The following CLSTN2 variants were observed in gnomAD, a reference collection of about 807,000 sequenced individuals.
CLSTN2 encodes calsyntenin-2.
A neutral mutation model predicts 101.2 loss-of-function variants in CLSTN2; 48 were observed. The ratio of observed to expected loss-of-function variants is 0.47; its 90% CI spans 0.38 to 0.60. The LOEUF (loss-of-function observed/expected upper bound fraction) is 0.60. Among genes scored for constraint, CLSTN2 ranks in the 20% least tolerant of loss-of-function variants. CLSTN2 has a pLI of 0.00. For missense variants in CLSTN2, 1,160 were observed against 1,238.2 expected, an observed-to-expected ratio of 0.94 and a Z score of 0.95; for synonymous variants, 481 against 463.6, an observed-to-expected ratio of 1.04 and a Z score of -0.48.
intron 1 of CLSTN2, among the ~76,000 whole-genome samples, chr3:140,098,069 A>G (rs2008901933): frequency 6.6e-6 from 1 of 152,174 alleles, no homozygotes; most frequent in Non-Finnish European, 1.5e-5. Context: ...TCAGCATAAC[A>G]GCCAAAAATG....
At chr3:140,424,037 G>T (rs929797677) in intron 5 of CLSTN2, among the ~76,000 whole-genome samples, 1 of 152,208 alleles carries the variant, frequency 6.6e-6, no homozygotes, top group Non-Finnish European at 1.5e-5. Context: ...CTTTGCTGAG[G>T]ATCCTTTGTT....
chr3:140,405,925 C>G (rs2088297800), intron 4 of CLSTN2, among the ~76,000 whole-genome samples: 1 of 152,156 alleles, frequency 6.6e-6, no homozygotes. Context: ...TCCATTCACT[C>G]TGTAATTATT....
chr3:140,194,233 T>C (rs571750471), intron 2 of CLSTN2, among the ~76,000 whole-genome samples: 1 of 152,240 alleles, frequency 6.6e-6, no homozygotes, highest in South Asian at 2.1e-4. Context: ...TGTCAGTGCC[T>C]GGTGAGGGCT....
At chr3:140,501,972 T>C (rs1233601921) in intron 8 of CLSTN2, among the ~76,000 whole-genome samples, 1 of 152,192 alleles carries the variant, frequency 6.6e-6, no homozygotes, top group African/African-American at 2.4e-5. Flanking sequence ...TGTGTGACCT[T>C]GGACATGTTA....
intron 1 of CLSTN2, among the ~76,000 whole-genome samples, chr3:139,989,926 T>C (rs1280976542): frequency 6.6e-6 from 1 of 152,236 alleles, no homozygotes; most frequent in East Asian, 1.9e-4. Flanking sequence ...ATGCACAAAT[T>C]TGGAAACAAT....
intron 2 of CLSTN2, among the ~76,000 whole-genome samples, chr3:140,346,403 T>C (rs1161422445): frequency 6.6e-6 from 1 of 152,210 alleles, no homozygotes; most frequent in African/African-American, 2.4e-5. Flanking sequence ...ATCTTGTTTC[T>C]GGTGACCCAT....
intron 2 of CLSTN2, among the ~76,000 whole-genome samples, chr3:140,334,063 G>T (rs991693907): frequency 2.6e-5 from 4 of 152,132 alleles, no homozygotes; most frequent in African/African-American, 9.7e-5. Context: ...CTTTATCTTA[G>T]CCTTCCATGC....
chr3:140,310,145 C>T (rs558044999), intron 2 of CLSTN2, among the ~76,000 whole-genome samples: 6 of 152,298 alleles, frequency 3.9e-5, no homozygotes, highest in South Asian at 4.1e-4. Flanking sequence ...ACACATCCCC[C>T]GGGTTACTAC....
chr3:140,533,729 A>AAAAG (rs1339659627), intron 9 of CLSTN2, among the ~76,000 whole-genome samples: 2 of 149,414 alleles, frequency 1.3e-5, no homozygotes, highest in Non-Finnish European at 3.0e-5. Context: ...AAAAAAAAAA[A>AAAAG]AAAGAATATG....
chr3:140,491,318 C>T (rs866727044), intron 8 of CLSTN2, among the ~76,000 whole-genome samples: 11 of 152,264 alleles, frequency 7.2e-5, no homozygotes, highest in African/African-American at 2.4e-4. Context: ...CTAATCATAG[C>T]TAACATGTAA....
intron 1 of CLSTN2, among the ~76,000 whole-genome samples, chr3:140,057,350 A>G (rs2008116310): frequency 6.6e-6 from 1 of 152,222 alleles, no homozygotes; most frequent in South Asian, 2.1e-4. Context: ...CCTTTGCAAT[A>G]GCAGATGTTT....
intron 1 of CLSTN2, among the ~76,000 whole-genome samples, chr3:140,156,053 T>A (rs1040279002): frequency 3.3e-5 from 5 of 152,234 alleles, no homozygotes; most frequent in African/African-American, 1.2e-4. Flanking sequence ...TTGTTACTTA[T>A]TTTTGGTGTA....
intron 1 of CLSTN2, among the ~76,000 whole-genome samples, chr3:139,982,711 A>C (rs1305779217): frequency 6.6e-6 from 1 of 152,164 alleles, no homozygotes; most frequent in Non-Finnish European, 1.5e-5. Flanking sequence ...GTCTCAAATC[A>C]GCCCTTGTTG....
At chr3:140,249,867 T>C (rs1462014379) in intron 2 of CLSTN2, among the ~76,000 whole-genome samples, 1 of 152,138 alleles carries the variant, frequency 6.6e-6, no homozygotes, top group South Asian at 2.1e-4. Flanking sequence ...GAGTTTAGAA[T>C]GCTCACCAAA....
intron 2 of CLSTN2, among the ~76,000 whole-genome samples, chr3:140,373,178 A>C (rs1030029221): frequency 3.3e-5 from 5 of 152,268 alleles, no homozygotes; most frequent in Admixed American, 3.3e-4. Context: ...AGCTATGAAA[A>C]GAACTGTGAC....
chr3:140,107,230 A>G (rs1306097602), intron 1 of CLSTN2, among the ~76,000 whole-genome samples: 1 of 152,142 alleles, frequency 6.6e-6, no homozygotes, highest in Non-Finnish European at 1.5e-5. Context: ...CTCCCCTGCC[A>G]TCTTTCCCTA....
At chr3:140,373,500 T>C (rs970979706) in intron 2 of CLSTN2, among the ~76,000 whole-genome samples, 11 of 152,228 alleles carry the variant, frequency 7.2e-5, no homozygotes, top group Admixed American at 4.6e-4. Flanking sequence ...CTGTCTATTA[T>C]ATTGAGCAGG....
chr3:140,048,395 C>T (rs2107767082), intron 1 of CLSTN2, among the ~76,000 whole-genome samples: 1 of 152,312 alleles, frequency 6.6e-6, no homozygotes. Flanking sequence ...TACTGAGATT[C>T]AGATTTCCTT....
chr3:140,312,659 G>C (rs1313327029), intron 2 of CLSTN2, among the ~76,000 whole-genome samples: 1 of 152,208 alleles, frequency 6.6e-6, no homozygotes, highest in Non-Finnish European at 1.5e-5. Flanking sequence ...TCAGGAGCCA[G>C]GATAAGCCAG....
Sources: gnomAD v4.1 joint callset for allele counts (sites outside exome capture counted in the v4.1 genomes callset) on GRCh38, gnomAD v4.1.1 for gene constraint, MANE v1.5 for transcripts, NCBI Gene and HGNC (gene_info 2026-07-23, HGNC 2026-07-21) for gene names.